Variants in LRMDA observed in about 807,000 individuals in gnomAD.
LRMDA encodes leucine-rich melanocyte differentiation-associated protein.
A neutral mutation model predicts 29.8 loss-of-function variants in LRMDA; 18 were observed. The ratio of observed to expected loss-of-function variants is 0.60; its 90% CI spans 0.42 to 0.90. The LOEUF is 0.90. LRMDA is among the 40% of genes least tolerant of loss of function. The probability of loss-of-function intolerance (pLI) is 0.00; values close to 1 mark genes in which losing one functional copy is unlikely to be tolerated. For missense variants in LRMDA, 273 were observed against 273.9 expected (o/e 1.00, Z 0.02); for synonymous variants, 125 against 109.4 (o/e 1.14, Z -0.89).
At chr10:76,399,437 G>A (rs11001770) in intron 6 of LRMDA, among the ~76,000 whole-genome samples, 28,296 of 152,132 alleles carry the variant, frequency 0.19, 5,922 homozygotes, top group African/African-American at 0.52. Flanking sequence ...GAAGAGAGTT[G>A]CCAGGGCATC....
intron 5 of LRMDA, among the ~76,000 whole-genome samples, chr10:76,211,799 T>C (rs967696632): frequency 6.6e-6 from 1 of 152,234 alleles, no homozygotes. Context: ...ACTGGCTCTG[T>C]GACTGTACCT....
intron 6 of LRMDA, among the ~76,000 whole-genome samples, chr10:76,479,890 TA>T (rs1842718882): frequency 6.6e-6 from 1 of 151,948 alleles, no homozygotes; most frequent in South Asian, 2.1e-4. Flanking sequence ...ATTATAGCCT[TA>T]ACTTATTTTA....
chr10:75,853,608 CA>C (rs1844770883), intron 2 of LRMDA, among the ~76,000 whole-genome samples: 1 of 152,054 alleles, frequency 6.6e-6, no homozygotes, highest in African/African-American at 2.4e-5. Flanking sequence ...AACCCATTCT[CA>C]AAACTAAACT....
At chr10:76,090,286 C>T (rs1438358754) in intron 5 of LRMDA, among the ~76,000 whole-genome samples, 1 of 151,998 alleles carries the variant, frequency 6.6e-6, no homozygotes, top group African/African-American at 2.4e-5. Flanking sequence ...GGGCAGCTGC[C>T]GTGAAGCCAG....
chr10:75,936,923 C>G (rs1846305313), intron 2 of LRMDA, among the ~76,000 whole-genome samples: 1 of 152,176 alleles, frequency 6.6e-6, no homozygotes, highest in South Asian at 2.1e-4. Context: ...GTATTTTAGT[C>G]TGCAGTTAAC....
intron 6 of LRMDA, among the ~76,000 whole-genome samples, chr10:76,327,834 G>A (rs1001748378): frequency 6.6e-6 from 1 of 152,190 alleles, no homozygotes; most frequent in Admixed American, 6.5e-5. Flanking sequence ...TCAGGGATGG[G>A]TGTCATATGT....
intron 2 of LRMDA, among the ~76,000 whole-genome samples, chr10:75,698,855 C>A (rs1048074831): frequency 6.6e-6 from 1 of 152,124 alleles, no homozygotes; most frequent in Non-Finnish European, 1.5e-5. Context: ...AAAGAATTTG[C>A]GTTTTTGTTG....
At chr10:76,522,303 G>T (rs762711921) in intron 6 of LRMDA, among the ~76,000 whole-genome samples, 7 of 152,112 alleles carry the variant, frequency 4.6e-5, no homozygotes, top group Non-Finnish European at 8.8e-5. Context: ...GGTGTCCTAG[G>T]ATGCTAGAAA....
At chr10:75,911,001 A>G (rs1845833624) in intron 2 of LRMDA, among the ~76,000 whole-genome samples, 1 of 150,674 alleles carries the variant, frequency 6.6e-6, no homozygotes, top group Non-Finnish European at 1.5e-5. Context: ...TATCCTCACT[A>G]TTAAACAGCA....
chr10:76,188,874 T>A (rs10762702), intron 5 of LRMDA, among the ~76,000 whole-genome samples: 67,738 of 151,502 alleles, frequency 0.45, 17,240 homozygotes, highest in East Asian at 0.75. Flanking sequence ...TTCTCAGTTC[T>A]TCATACCCTT....
At chr10:75,961,711 TTAACAC>T (rs1263561201) in intron 2 of LRMDA, among the ~76,000 whole-genome samples, 2 of 152,166 alleles carry the variant, frequency 1.3e-5, no homozygotes, top group Admixed American at 6.5e-5. Context: ...AGTGCTGACT[TTAACAC>T]TAATGCTTTC....
intron 6 of LRMDA, among the ~76,000 whole-genome samples, chr10:76,487,149 T>C (rs1046702275): frequency 3.3e-5 from 5 of 151,940 alleles, no homozygotes; most frequent in Non-Finnish European, 7.4e-5. Flanking sequence ...ATGAAGGATG[T>C]TGAATGTGCA....
chr10:76,094,215 A>T (rs1278986241), intron 5 of LRMDA, among the ~76,000 whole-genome samples: 1 of 152,232 alleles, frequency 6.6e-6, no homozygotes, highest in African/African-American at 2.4e-5. Flanking sequence ...TCAACTTACC[A>T]AATAGAGACC....
At chr10:76,491,997 A>G (rs1366821988) in intron 6 of LRMDA, among the ~76,000 whole-genome samples, 1 of 151,880 alleles carries the variant, frequency 6.6e-6, no homozygotes, top group Non-Finnish European at 1.5e-5. Context: ...ATTCTTCCTT[A>G]TGTCAATTGC....
rs1261742570 is a variant in LRMDA at position 75,586,359 on chromosome 10, TTTTTTTTTTTA to T, written c.131+147866_131+147876del. 8.2e-5 allele frequency among the ~76,000 whole-genome samples: 11 copies of T among 134,918 alleles called. No individual in the cohort carries two copies. In the East Asian group the frequency reaches 1.9e-3, roughly 24 times the overall value. 88.5% of individuals were successfully genotyped at this position (134,918 alleles called of 152,430 possible). ...ACCAACACGTCTTTTTTTTTTTTTT[TTTTTTTTTTTA>T]AATTAGAGACAGGATCTCACTCTGT... On this transcript the variant is annotated intron_variant, in intron 2 of 6. Transcript: ENST00000611255.
chr10:76,240,022 G>A (rs1293974736), intron 5 of LRMDA, among the ~76,000 whole-genome samples: 1 of 151,516 alleles, frequency 6.6e-6, no homozygotes, highest in Admixed American at 6.6e-5. Flanking sequence ...TCTCAATATA[G>A]CCGGGAAATT....
chr10:76,494,671 A>G (rs1261698465), intron 6 of LRMDA, among the ~76,000 whole-genome samples: 2 of 151,514 alleles, frequency 1.3e-5, no homozygotes, highest in Non-Finnish European at 3.0e-5. Context: ...TTCTTCTTTT[A>G]CAAGTTTATA....
At chr10:76,392,689 T>C (rs1343154093) in intron 6 of LRMDA, among the ~76,000 whole-genome samples, 1 of 152,202 alleles carries the variant, frequency 6.6e-6, no homozygotes, top group African/African-American at 2.4e-5. Context: ...TTTTTTTTTG[T>C]AGTGAGAATG....
chr10:75,840,751 C>G (rs1564582944), intron 2 of LRMDA, among the ~76,000 whole-genome samples: 1 of 152,192 alleles, frequency 6.6e-6, no homozygotes, highest in Non-Finnish European at 1.5e-5. Context: ...TACAGTTGCG[C>G]CTTTCTTCAT....
Sources: gnomAD v4.1 joint callset for allele counts (sites outside exome capture counted in the v4.1 genomes callset) on GRCh38, gnomAD v4.1.1 for gene constraint, MANE v1.5 for transcripts, NCBI Gene and HGNC (gene_info 2026-07-23, HGNC 2026-07-21) for gene names.